The following NCOA2 variants were observed in gnomAD, a reference collection of about 807,000 sequenced individuals.
NCOA2 encodes the protein class E basic helix-loop-helix protein 75.
A neutral mutation model predicts 145.1 loss-of-function variants in NCOA2; 21 were observed. That is an observed-to-expected ratio of 0.14 (90% CI 0.10 to 0.21). The LOEUF is 0.21. Among genes scored for constraint, NCOA2 ranks in the 10% least tolerant of loss-of-function variants. The probability of loss-of-function intolerance (pLI) is 1.00; values close to 1 mark genes in which losing one functional copy is unlikely to be tolerated. For synonymous variants in NCOA2, 619 were observed against 637.5 expected (o/e 0.97, Z 0.44); for missense variants, 1,472 against 1,837.6 (o/e 0.80, Z 3.64).
At position 70,170,350 on chromosome 8, in the gene NCOA2, G is replaced by A. The variant is rs200756247; in HGVS notation, c.393C>T (p.Asn131=). The stretch of plus-strand genomic sequence containing the variant: ...ACACAAACACAACGTTGCCTTCCAG[G>A]TTCACTACAAAGAAGAACCCATCAA... ...EALDGFFFVV[N]LEGNVVFVSE... Residue 131 remains asparagine, a synonymous_variant, in exon 6 of 23, where the codon AAC becomes AAT. Coordinates refer to ENST00000452400, the MANE Select transcript of NCOA2 (RefSeq NM_006540.4). 3 of 1,599,034 alleles carry A rather than the reference G, an allele frequency of 1.9e-6. No homozygotes were observed. Among genetic ancestry groups the A allele is most frequent in the East Asian group, 2.3e-5 (1 of 44,422 alleles).
chr8:70,260,561 G>GGTA (rs1563692433), intron 2 of NCOA2, among the ~76,000 whole-genome samples: 2 of 152,158 alleles, frequency 1.3e-5, no homozygotes, highest in African/African-American at 4.8e-5. Flanking sequence ...GTGGGGCTAA[G>GGTA]GTAGGCACAT....
intron 2 of NCOA2, among the ~76,000 whole-genome samples, chr8:70,283,541 T>A (rs1003739843): frequency 1.3e-5 from 2 of 152,226 alleles, no homozygotes; most frequent in African/African-American, 4.8e-5. Flanking sequence ...TTACACCTTT[T>A]TCTGATGTAA....
At chr8:70,239,403 T>C (rs1487284450) in intron 2 of NCOA2, among the ~76,000 whole-genome samples, 1 of 152,180 alleles carries the variant, frequency 6.6e-6, no homozygotes, top group Non-Finnish European at 1.5e-5. Context: ...ATTTTAGGCA[T>C]GAAGAAACAC....
intron 2 of NCOA2, among the ~76,000 whole-genome samples, chr8:70,286,454 C>A (rs1243959950): frequency 2.6e-5 from 4 of 152,122 alleles, no homozygotes; most frequent in Non-Finnish European, 4.4e-5. Context: ...GTAAATGAAA[C>A]AAACTTTTCA....
chr8:70,263,969 T>C (rs1824359963), intron 2 of NCOA2, among the ~76,000 whole-genome samples: 1 of 152,126 alleles, frequency 6.6e-6, no homozygotes, highest in South Asian at 2.1e-4. Flanking sequence ...TCCCAGCACT[T>C]TGGGAAGCCA....
chr8:70,374,512 A>T (rs554987337), intron 1 of NCOA2, among the ~76,000 whole-genome samples: 13 of 151,986 alleles, frequency 8.6e-5, no homozygotes, highest in Admixed American at 2.6e-4. Flanking sequence ...CACACATAAA[A>T]GAAAGTGAGG....
chr8:70,218,470 A>C (rs1819857249), intron 2 of NCOA2, among the ~76,000 whole-genome samples: 1 of 152,182 alleles, frequency 6.6e-6, no homozygotes, highest in South Asian at 2.1e-4. Context: ...GCAGGATAGC[A>C]GAGAAGTGAA....
intron 15 of NCOA2, among the ~76,000 whole-genome samples, chr8:70,134,156 CTTTCTTT>C (rs1809475575): frequency 6.6e-6 from 1 of 152,182 alleles, no homozygotes; most frequent in Non-Finnish European, 1.5e-5. Flanking sequence ...TCTCCTAGAA[CTTTCTTT>C]AAACCAAATG....
In NCOA2 at chr8:70,159,667, G is replaced by A; in HGVS notation, c.977-15C>T. Reference sequence around the variant, plus strand: ...TTGTCTCAGTACTGCAGGCAAGCAAGGAAACAGAAGGCACGTTTAGAAAAA... The same window carrying A: ...TTGTCTCAGTACTGCAGGCAAGCAAAGAAACAGAAGGCACGTTTAGAAAAA... On this transcript the variant is annotated splice_polypyrimidine_tract_variant and intron_variant, in intron 9 of 22. Transcript: ENST00000452400. 1.9e-6 allele frequency: 3 copies of A among 1,598,318 alleles called. No individual in the cohort carries two copies. Among genetic ancestry groups the A allele is most frequent in the South Asian group, 2.2e-5 (2 of 90,042 alleles).
intron 5 of NCOA2, 35 bp from the exon 6 acceptor site, chr8:70,170,414 T>C (rs1426404550): frequency 2.0e-6 from 3 of 1,498,350 alleles, no homozygotes; most frequent in Admixed American, 2.3e-5. Flanking sequence ...TTAGAAAGGA[T>C]GCAACATAAC....
chr8:70,248,521 G>A (rs1301369531), intron 2 of NCOA2, among the ~76,000 whole-genome samples: 2 of 152,034 alleles, frequency 1.3e-5, no homozygotes. Flanking sequence ...CCAAGCTTTC[G>A]AGACGCATCC....
intron 4 of NCOA2, among the ~76,000 whole-genome samples, chr8:70,212,386 A>C (rs537663362): frequency 3.9e-5 from 6 of 152,312 alleles, no homozygotes; most frequent in African/African-American, 1.2e-4. Flanking sequence ...CAAAGGGAAA[A>C]GAAAGACGAG....
chr8:70,297,611 G>C (rs146864015), intron 1 of NCOA2, among the ~76,000 whole-genome samples: 1 of 152,196 alleles, frequency 6.6e-6, no homozygotes, highest in Non-Finnish European at 1.5e-5. Context: ...AGGATTACAG[G>C]TGTGAACCAC....
intron 1 of NCOA2, among the ~76,000 whole-genome samples, chr8:70,380,849 C>T (rs117061248): frequency 3.9e-5 from 6 of 152,072 alleles, no homozygotes; most frequent in Non-Finnish European, 8.8e-5. Flanking sequence ...CCAAGTTAGG[C>T]AGATGACTTG....
At chr8:70,246,284 T>C (rs1822613352) in intron 2 of NCOA2, among the ~76,000 whole-genome samples, 1 of 152,126 alleles carries the variant, frequency 6.6e-6, no homozygotes, top group African/African-American at 2.4e-5. Context: ...ACATTAAAAA[T>C]TGTTCTTAAT....
At chr8:70,271,455 T>A (rs892288475) in intron 2 of NCOA2, among the ~76,000 whole-genome samples, 1 of 152,218 alleles carries the variant, frequency 6.6e-6, no homozygotes, top group Non-Finnish European at 1.5e-5. Context: ...ATGGGAAAAC[T>A]AAGAAGTTCT....
intron 11 of NCOA2, among the ~76,000 whole-genome samples, chr8:70,155,203 G>C (rs765624841): frequency 6.6e-6 from 1 of 152,164 alleles, no homozygotes; most frequent in Non-Finnish European, 1.5e-5. Flanking sequence ...ACTAATATCA[G>C]TTCAATCTTT....
Position 70,157,228 on chromosome 8 carries a change from C to T in NCOA2, c.1137G>A (p.Val379=). 1 of 1,550,018 alleles carries T rather than the reference C, an allele frequency of 6.5e-7. No homozygotes were observed. The highest frequency in any genetic ancestry group is 8.7e-7 in the Non-Finnish European group (1 of 1,146,776). Residue 379 remains valine (V), a synonymous_variant, in exon 11 of 23, where the codon GTG becomes GTA. Coordinates refer to ENST00000452400, the MANE Select transcript of NCOA2 (RefSeq NM_006540.4). ...SLHMLHREQN[V]CVMNPDLTGQ... is the part of the protein sequence containing the mutation. ...CAGTCAGATCCGGATTCATCACACA[C>T]ACATTCTGCTCTCTGTATAACGAGA...
intron 2 of NCOA2, among the ~76,000 whole-genome samples, chr8:70,249,764 AC>A: frequency 6.6e-6 from 1 of 151,928 alleles, no homozygotes; most frequent in South Asian, 2.1e-4. Context: ...GGAGTTTGAG[AC>A]CAGCCTGGCT....
Sources: gnomAD v4.1 joint callset for allele counts (sites outside exome capture counted in the v4.1 genomes callset) on GRCh38, gnomAD v4.1.1 for gene constraint, MANE v1.5 for transcripts, NCBI Gene and HGNC (gene_info 2026-07-23, HGNC 2026-07-21) for gene names.